PSMB7: variants seen among roughly 807,000 people sequenced by gnomAD.
PSMB7 encodes proteasome 20S subunit beta 7, also known as proteasome subunit beta type-7.
In PSMB7, 5 loss-of-function variants were observed where a neutral mutation model predicts 28.1. The observed-to-expected ratio is 0.18, with a 90% CI of 0.09 to 0.37. PSMB7 has a LOEUF of 0.37. PSMB7 is among the 10% of genes least tolerant of loss of function. PSMB7 has a pLI of 1.00. For synonymous variants in PSMB7, 122 were observed against 123.7 expected (o/e 0.99, Z 0.09); for missense variants, 275 against 346.2 (o/e 0.79, Z 1.63).
intron 4 of PSMB7, among the ~76,000 whole-genome samples, chr9:124,406,717 C>G (rs1268646117): frequency 1.3e-5 from 2 of 152,170 alleles, no homozygotes; most frequent in African/African-American, 4.8e-5. Context: ...TAAACTTACA[C>G]TTCCTCAGGA....
rs768157422 is a variant in PSMB7 at position 124,414,832 on chromosome 9, C to A, written c.156+10G>T. 6.2e-7 allele frequency: 1 copy of A among 1,611,740 alleles called. No individual in the cohort carries two copies. The highest frequency in any genetic ancestry group is 1.1e-5 in the South Asian group (1 of 90,968). ...TCAGTCACTGCTGCTCTTAGCCTAA[C>A]CCGGCTTACCTTATAGACCACCCCA... On this transcript the variant is annotated intron_variant, in intron 2 of 7. Transcript: ENST00000259457.
chr9:124,415,310 C>T (rs1831075282), intron 1 of PSMB7, 54 bp downstream of exon 1: 16 of 1,572,986 alleles, frequency 1.0e-5, no homozygotes, highest in Admixed American at 1.7e-5. Context: ...CCAGCTCCCA[C>T]CCGAGCACCG....
At chr9:124,358,318 A>C (rs1188626485) in intron 6 of PSMB7, among the ~76,000 whole-genome samples, 1 of 152,192 alleles carries the variant, frequency 6.6e-6, no homozygotes, top group Non-Finnish European at 1.5e-5. Flanking sequence ...AGGACAGAGA[A>C]GGTTCTGCTG....
rs145217016 is a variant in PSMB7 at position 124,411,804 on chromosome 9, A to T, written c.395+548T>A. On this transcript the variant is annotated intron_variant, in intron 4 of 7. Transcript: ENST00000259457. ...CAAATAGGAGACGCTAATAGTCCCT[A>T]TCTCAGAGTTAAAAGGATGAAATCG... 2.8e-4 allele frequency among the ~76,000 whole-genome samples: 43 copies of T among 152,370 alleles called. No individual in the cohort carries two copies. In the East Asian group the frequency reaches 7.7e-3, roughly 27 times the overall value.
chr9:124,377,633 C>T (rs545103913), intron 6 of PSMB7, among the ~76,000 whole-genome samples: 2 of 152,354 alleles, frequency 1.3e-5, no homozygotes, highest in East Asian at 1.9e-4. Flanking sequence ...TTTGGCATCA[C>T]GCTTGTGAGG....
At chr9:124,392,888 A>T (rs1489373664) in intron 5 of PSMB7, among the ~76,000 whole-genome samples, 1 of 152,178 alleles carries the variant, frequency 6.6e-6, no homozygotes, top group African/African-American at 2.4e-5. Context: ...ATGGCCTGCC[A>T]AGGTGTAAGA....
At chr9:124,383,675 G>A (rs1830690545) in intron 6 of PSMB7, 1 of 152,170 alleles carries the variant, frequency 6.6e-6, no homozygotes, top group Non-Finnish European at 1.5e-5. Flanking sequence ...AATTCCCAGA[G>A]ACACCCTCTG....
intron 5 of PSMB7, among the ~76,000 whole-genome samples, chr9:124,397,632 A>G (rs1204723835): frequency 1.3e-5 from 2 of 151,802 alleles, no homozygotes; most frequent in Admixed American, 6.6e-5. Context: ...CAGAAAAAAG[A>G]AAAAAAAAGA....
intron 6 of PSMB7, among the ~76,000 whole-genome samples, chr9:124,379,400 G>A (rs560446158): frequency 2.0e-5 from 3 of 152,246 alleles, no homozygotes; most frequent in Non-Finnish European, 2.9e-5. Context: ...CCAGGTGTAC[G>A]CACAGTCCCT....
At chr9:124,363,132 C>T (rs1830478361) in intron 6 of PSMB7, among the ~76,000 whole-genome samples, 1 of 152,236 alleles carries the variant, frequency 6.6e-6, no homozygotes, top group Non-Finnish European at 1.5e-5. Context: ...GAAACGTTCA[C>T]TTCAAATGCA....
chr9:124,396,078 A>C (rs936360393), intron 5 of PSMB7, among the ~76,000 whole-genome samples: 1 of 152,232 alleles, frequency 6.6e-6, no homozygotes, highest in African/African-American at 2.4e-5. Context: ...TATGAAGTCC[A>C]TATATACGTG....
intron 6 of PSMB7, among the ~76,000 whole-genome samples, chr9:124,369,060 C>T (rs1413016092): frequency 6.6e-6 from 1 of 152,166 alleles, no homozygotes. Context: ...TCTGTTATCA[C>T]CAAGGTTCTG....
At chr9:124,354,295 C>T (rs1345619309) in intron 7 of PSMB7, among the ~76,000 whole-genome samples, 1 of 152,206 alleles carries the variant, frequency 6.6e-6, no homozygotes, top group African/African-American at 2.4e-5. Flanking sequence ...ACACCTTCTT[C>T]CTGGAGTGAA....
intron 6 of PSMB7, among the ~76,000 whole-genome samples, chr9:124,360,387 A>T (rs1830454334): frequency 6.6e-6 from 1 of 152,236 alleles, no homozygotes; most frequent in South Asian, 2.1e-4. Flanking sequence ...GGGCCTGGGC[A>T]GCATCTGCCC....
intron 5 of PSMB7, among the ~76,000 whole-genome samples, chr9:124,395,673 C>T (rs1830833250): frequency 6.6e-6 from 1 of 152,116 alleles, no homozygotes; most frequent in Admixed American, 6.5e-5. Flanking sequence ...CGCTTCAGCA[C>T]CCCAATAACC....
intron 5 of PSMB7, chr9:124,396,702 G>C: frequency 2.2e-6 from 1 of 448,742 alleles, no homozygotes; most frequent in Non-Finnish European, 4.5e-6. Context: ...TTTTATTCAT[G>C]TTAATTCTCT....
At chr9:124,396,768 AG>A (rs1259690624) in intron 5 of PSMB7, 7 of 470,924 alleles carry the variant, frequency 1.5e-5, no homozygotes, top group Admixed American at 7.1e-5. Context: ...TGCTGCTACA[AG>A]GAACACTGCC....
intron 4 of PSMB7, among the ~76,000 whole-genome samples, chr9:124,405,691 T>C (rs963426203): frequency 6.6e-6 from 1 of 152,070 alleles, no homozygotes; most frequent in Non-Finnish European, 1.5e-5. Context: ...CCATTATTAT[T>C]ATTTTTTTGA....
intron 6 of PSMB7, among the ~76,000 whole-genome samples, chr9:124,378,506 A>G (rs1363686535): frequency 6.6e-6 from 1 of 152,154 alleles, no homozygotes; most frequent in Non-Finnish European, 1.5e-5. Context: ...CCTTTGAATC[A>G]TCTCCCTGTG....
Sources: gnomAD v4.1 joint callset for allele counts (sites outside exome capture counted in the v4.1 genomes callset) on GRCh38, gnomAD v4.1.1 for gene constraint, MANE v1.5 for transcripts, NCBI Gene and HGNC (gene_info 2026-07-23, HGNC 2026-07-21) for gene names.